Variants in CLSTN2 observed in about 807,000 individuals in gnomAD.
The protein encoded by CLSTN2 is calsyntenin-2.
A neutral mutation model predicts 101.2 loss-of-function variants in CLSTN2; 48 were observed. The observed-to-expected ratio is 0.47, with a 90% confidence interval of 0.38 to 0.60. The LOEUF (loss-of-function observed/expected upper bound fraction) is 0.60, where lower values mean the gene tolerates loss of function less well. Ranked by LOEUF, CLSTN2 falls within the 20% of genes least tolerant of loss-of-function variation. The probability of loss-of-function intolerance (pLI) is 0.00; values close to 1 mark genes in which losing one functional copy is unlikely to be tolerated. For missense variants in CLSTN2, 1,160 were observed against 1,238.2 expected (o/e 0.94, Z 0.95); for synonymous variants, 481 against 463.6 (o/e 1.04, Z -0.48).
intron 2 of CLSTN2, among the ~76,000 whole-genome samples, chr3:140,253,347 T>C (rs760343205): frequency 2.0e-5 from 3 of 152,142 alleles, no homozygotes; most frequent in Admixed American, 2.0e-4. Flanking sequence ...GCTTTCTCCA[T>C]CCCCAGAAAA....
chr3:140,019,330 A>G (rs1372901068), intron 1 of CLSTN2, among the ~76,000 whole-genome samples: 1 of 152,188 alleles, frequency 6.6e-6, no homozygotes, highest in Non-Finnish European at 1.5e-5. Context: ...TGCCTCATCC[A>G]ATCATTTGAA....
At chr3:140,244,730 C>T (rs1450983559) in intron 2 of CLSTN2, among the ~76,000 whole-genome samples, 2 of 152,118 alleles carry the variant, frequency 1.3e-5, no homozygotes, top group Non-Finnish European at 2.9e-5. Flanking sequence ...AACAGATTCC[C>T]TTTTTATTTG....
chr3:140,513,452 T>A (rs1488895080), intron 8 of CLSTN2, among the ~76,000 whole-genome samples: 1 of 152,194 alleles, frequency 6.6e-6, no homozygotes, highest in Non-Finnish European at 1.5e-5. Flanking sequence ...ATCCTGGAGA[T>A]GAAGCCAAGT....
rs541089361 is a variant in CLSTN2, at chr3:140,220,661, G to T, written c.232+44588G>T. 1.6e-4 allele frequency among the ~76,000 whole-genome samples: 24 copies of T among 152,350 alleles called. No homozygotes were observed. In the East Asian group the frequency reaches 2.3e-3, roughly 15 times the overall value. Reference sequence around the variant, plus strand: ...AATATCTTCAAATTCTAAAGATAATGTGAGTGGATTGGCACCTGCTTCCAT... The same window carrying T: ...AATATCTTCAAATTCTAAAGATAATTTGAGTGGATTGGCACCTGCTTCCAT... On this transcript the variant is annotated intron_variant, in intron 2 of 16. Coordinates refer to ENST00000458420, the MANE Select transcript of CLSTN2 (RefSeq NM_022131.3).
intron 8 of CLSTN2, among the ~76,000 whole-genome samples, chr3:140,511,146 A>C (rs1449269407): frequency 6.6e-6 from 1 of 152,184 alleles, no homozygotes; most frequent in East Asian, 1.9e-4. Flanking sequence ...TTAGTTTCCT[A>C]AGGATAATTA....
In CLSTN2 at chr3:140,504,447, C is replaced by T. The variant is rs185146608; in HGVS notation, c.1345-27877C>T. On this transcript the variant is annotated intron_variant, in intron 8 of 16. Coordinates refer to ENST00000458420, the MANE Select transcript of CLSTN2 (RefSeq NM_022131.3). The stretch of plus-strand genomic sequence containing the variant: ...GTAATGGTATCAAATGCAGTGAACA[C>T]TCTGCATTTTTATGCCCCTAGCCCT... 2.6e-5 allele frequency among the ~76,000 whole-genome samples: 4 copies of T among 152,124 alleles called. No individual in the cohort carries two copies. In the East Asian group the frequency reaches 7.7e-4, roughly 29 times the overall value.
At chr3:140,420,952 C>T (rs2088498078) in intron 4 of CLSTN2, among the ~76,000 whole-genome samples, 173 bp from the exon 5 acceptor site, 1 of 152,224 alleles carries the variant, frequency 6.6e-6, no homozygotes, top group Non-Finnish European at 1.5e-5. Context: ...GCCACCAAAG[C>T]ATAAGCACGC....
At chr3:139,949,584 G>A (rs1253819344) in intron 1 of CLSTN2, among the ~76,000 whole-genome samples, 3 of 152,212 alleles carry the variant, frequency 2.0e-5, no homozygotes, top group African/African-American at 7.2e-5. Flanking sequence ...AAGCTAGATA[G>A]CCCAGGGTCA....
At chr3:140,175,339 A>ATT (rs1423075166) in intron 1 of CLSTN2, among the ~76,000 whole-genome samples, 1 of 152,200 alleles carries the variant, frequency 6.6e-6, no homozygotes, top group Non-Finnish European at 1.5e-5. Flanking sequence ...GTTACCAATA[A>ATT]TTTAGACCAC....
chr3:140,195,452 T>C (rs1367563932), intron 2 of CLSTN2, among the ~76,000 whole-genome samples: 1 of 152,174 alleles, frequency 6.6e-6, no homozygotes, highest in Admixed American at 6.5e-5. Context: ...TGTGTTTGTT[T>C]TATATATTAT....
At chr3:140,484,839 G>T (rs1934203814) in intron 8 of CLSTN2, among the ~76,000 whole-genome samples, 1 of 152,058 alleles carries the variant, frequency 6.6e-6, no homozygotes, top group South Asian at 2.1e-4. Context: ...CTCTGCATTG[G>T]CTATTCTAGT....
At chr3:140,176,832 AAGAC>A (rs994708559) in intron 2 of CLSTN2, among the ~76,000 whole-genome samples, 1 of 152,244 alleles carries the variant, frequency 6.6e-6, no homozygotes, top group Non-Finnish European at 1.5e-5. Context: ...TGTCCGGAGA[AAGAC>A]AGGAAATTTA....
intron 1 of CLSTN2, among the ~76,000 whole-genome samples, chr3:140,137,538 C>T (rs1333375105): frequency 2.0e-5 from 3 of 152,156 alleles, no homozygotes; most frequent in Non-Finnish European, 4.4e-5. Context: ...TCATCCTAGA[C>T]CCCAAGCTCT....
intron 1 of CLSTN2, among the ~76,000 whole-genome samples, chr3:139,960,648 C>T (rs1387932495): frequency 6.6e-6 from 1 of 152,214 alleles, no homozygotes; most frequent in Non-Finnish European, 1.5e-5. Context: ...AGCATTCAAT[C>T]ATTTCATGAG....
chr3:140,367,658 T>A (rs1404147131), intron 2 of CLSTN2, among the ~76,000 whole-genome samples: 2 of 152,204 alleles, frequency 1.3e-5, no homozygotes, highest in African/African-American at 2.4e-5. Flanking sequence ...TTTGTTTCTA[T>A]TTTGAACTGT....
chr3:140,259,814 T>A (rs1185707979), intron 2 of CLSTN2, among the ~76,000 whole-genome samples: 1 of 152,214 alleles, frequency 6.6e-6, no homozygotes, highest in Admixed American at 6.5e-5. Flanking sequence ...GAGTTCATTT[T>A]TTTAATTGAT....
In CLSTN2 at chr3:140,023,804, C is replaced by T. The variant is rs531270383; in HGVS notation, c.109+88321C>T. 5.3e-5 allele frequency among the ~76,000 whole-genome samples: 8 copies of T among 152,296 alleles called. No homozygotes were observed. In the South Asian group the frequency reaches 8.3e-4, roughly 16 times the overall value. ...CACCTCCCCGCTTCGCTCACCCAGG[C>T]GCTGCTGCTTCTTGGCAGGAGTCTG... On this transcript the variant is annotated intron_variant, in intron 1 of 16. Transcript: ENST00000458420.
At chr3:140,236,018 T>G (rs1449440442) in intron 2 of CLSTN2, among the ~76,000 whole-genome samples, 4 of 152,128 alleles carry the variant, frequency 2.6e-5, no homozygotes, top group Non-Finnish European at 5.9e-5. Context: ...CAACTCATTC[T>G]GTGTCCCTGA....
At chr3:140,310,916 T>TGCTGCAGG (rs2087161092) in intron 2 of CLSTN2, among the ~76,000 whole-genome samples, 1 of 152,190 alleles carries the variant, frequency 6.6e-6, no homozygotes, top group African/African-American at 2.4e-5. Context: ...CTGTGTTAGG[T>TGCTGCAGG]GCTGCAGGTT....
Sources: gnomAD v4.1 joint callset for allele counts (sites outside exome capture counted in the v4.1 genomes callset) on GRCh38, gnomAD v4.1.1 for gene constraint, MANE v1.5 for transcripts, NCBI Gene and HGNC (gene_info 2026-07-23, HGNC 2026-07-21) for gene names.